UGT1A5: variants seen among roughly 807,000 people sequenced by gnomAD.
UGT1A5 encodes the protein UDP-glucuronosyltransferase 1A5.
In UGT1A5, 29 loss-of-function variants were observed where a neutral mutation model predicts 40.3. The ratio of observed to expected loss-of-function variants is 0.72; its 90% CI spans 0.54 to 0.98. The LOEUF is 0.98. UGT1A5 is among the 50% of genes least tolerant of loss of function. The pLI, the probability that UGT1A5 is intolerant of heterozygous loss-of-function variation, is 0.00. For synonymous variants in UGT1A5, 257 were observed against 262.5 expected, an observed-to-expected ratio of 0.98 and a Z score of 0.20; for missense variants, 678 against 677.9, an observed-to-expected ratio of 1.00 and a Z score of 0.00.
At chr2:233,764,278 T>C (rs1698524796) in intron 1 of UGT1A5, among the ~76,000 whole-genome samples, 1 of 152,134 alleles carries the variant, frequency 6.6e-6, no homozygotes, top group Admixed American at 6.5e-5. Flanking sequence ...CTTTGGTCAT[T>C]CCGGTAACTG....
chr2:233,729,942 CA>C, intron 1 of UGT1A5: 1 of 1,614,068 alleles, frequency 6.2e-7, no homozygotes, highest in Non-Finnish European at 8.5e-7. Context: ...TCATGCCCAA[CA>C]TGGTCTTCAT....
chr2:233,729,632 C>T, intron 1 of UGT1A5: 1 of 1,613,894 alleles, frequency 6.2e-7, no homozygotes, highest in Non-Finnish European at 8.5e-7. Flanking sequence ...TCGATTCCTA[C>T]TGTGTTTTTT....
At chr2:233,771,972 A>G (rs1700426237) in intron 4 of UGT1A5, among the ~76,000 whole-genome samples, 1 of 152,212 alleles carries the variant, frequency 6.6e-6, no homozygotes, top group African/African-American at 2.4e-5. Flanking sequence ...AAAATTGGCC[A>G]GACATAGTGG....
chr2:233,743,632 GT>G, intron 1 of UGT1A5: 1 of 1,367,332 alleles, frequency 7.3e-7, no homozygotes, highest in Non-Finnish European at 9.8e-7. Flanking sequence ...CGTCGGCTGG[GT>G]CGCGGAAGCT....
At chr2:233,731,204 C>T (rs755932690) in intron 1 of UGT1A5, among the ~76,000 whole-genome samples, 4 of 151,184 alleles carry the variant, frequency 2.6e-5, no homozygotes, top group Admixed American at 6.6e-5. Context: ...TTATAAAATA[C>T]GTGTTTATTT....
intron 1 of UGT1A5, among the ~76,000 whole-genome samples, chr2:233,759,387 C>A (rs1697125901): frequency 6.6e-6 from 1 of 152,128 alleles, no homozygotes. Context: ...TCAGGATACT[C>A]AGAGTAACCG....
chr2:233,720,322 A>G (rs1355455978), intron 1 of UGT1A5, among the ~76,000 whole-genome samples: 2 of 152,124 alleles, frequency 1.3e-5, no homozygotes, highest in African/African-American at 4.8e-5. Context: ...ATGTGGGGAC[A>G]TCGTAGAGTT....
At chr2:233,759,897 C>T (rs1697281775) in intron 1 of UGT1A5, among the ~76,000 whole-genome samples, 1 of 152,134 alleles carries the variant, frequency 6.6e-6, no homozygotes, top group Non-Finnish European at 1.5e-5. Flanking sequence ...TTCTAAAAGG[C>T]TTTCTAAAAA....
In UGT1A5 at chr2:233,739,254, G is replaced by T. The variant is rs1485037127; in HGVS notation, c.867+25396G>T. Among the ~76,000 whole-genome samples, 4 of 152,216 alleles carry T rather than the reference G, an allele frequency of 2.6e-5. No homozygotes were observed. In the East Asian group the frequency reaches 7.7e-4, roughly 29 times the overall value. ...ACCTCTGCTAGAGAAGGGTGGTAAA[G>T]AAATGTGAGGTTGGAGCCCCCACAC... On this transcript the variant is annotated intron_variant, in intron 1 of 4. Transcript: ENST00000373414.
intron 1 of UGT1A5, among the ~76,000 whole-genome samples, chr2:233,726,317 A>G (rs1017068137): frequency 1.3e-5 from 2 of 152,230 alleles, no homozygotes; most frequent in African/African-American, 4.8e-5. Context: ...CATTGAGCTC[A>G]GGAGTTTCAG....
At chr2:233,727,138 C>A (rs1201449660) in intron 1 of UGT1A5, among the ~76,000 whole-genome samples, 2 of 152,162 alleles carry the variant, frequency 1.3e-5, no homozygotes, top group Non-Finnish European at 2.9e-5. Context: ...GGGAACAAGA[C>A]CACACAGGTC....
chr2:233,769,493 G>C lies in UGT1A5; in HGVS notation c.1307+1054G>C, dbSNP rs1230643911. 1 of 1,612,700 alleles carries C rather than the reference G, an allele frequency of 6.2e-7. No homozygotes were observed. Among genetic ancestry groups the C allele is most frequent in the Admixed American group, 1.7e-5 (1 of 60,004 alleles). On this transcript the variant is annotated intron_variant, in intron 4 of 4. Coordinates refer to ENST00000373414, the MANE Select transcript of UGT1A5 (RefSeq NM_019078.2). This position sits in a 1 kb window ranked among gnomAD's most constrained non-coding sequence, Gnocchi z 4.4. ...TGTGTGTGTGTGCGTGTGTTTATGA[G>C]AGTGTCCATTGCTTTCTCCCATGGT... is the stretch of plus-strand genomic sequence containing the variant.
chr2:233,713,091 G>C lies in UGT1A5; in HGVS notation c.100G>C (p.Val34Leu), dbSNP rs200372008. Reference protein sequence around the residue: ...PWAESGKVLVVPTDGSHWLSM... With the variant: ...PWAESGKVLVLPTDGSHWLSM... ...GGCTGAGAGTGGGAAGGTGCTGGTGGTGCCCACTGATGGCAGCCACTGGCT... is the reference window on the plus strand; with the variant it reads ...GGCTGAGAGTGGGAAGGTGCTGGTGCTGCCCACTGATGGCAGCCACTGGCT... Residue 34 changes from valine (V) to leucine (L), a missense_variant, in exon 1 of 5, where the codon GTG becomes CTG. Transcript: ENST00000373414. The C allele has an allele frequency of 3.7e-6, 6 of 1,614,180 alleles. No individual in the cohort carries two copies. The Admixed American group carries it at 1.0e-4, about 27-fold the overall frequency.
rs1334751612 is a variant in UGT1A5, at chr2:233,749,282, GTAGT to G, written c.868-17749_868-17746del. Among the ~76,000 whole-genome samples the G allele has an allele frequency of 7.2e-5, 11 of 151,846 alleles. 1 individual carries two copies. Among genetic ancestry groups the G allele is most frequent in the African/African-American group, 1.7e-4 (7 of 41,140 alleles). On this transcript the variant is annotated intron_variant, in intron 1 of 4. Coordinates refer to ENST00000373414, the MANE Select transcript of UGT1A5 (RefSeq NM_019078.2). ...TTGGTGATTTTCTCCCTTATGCAGT[GTAGT>G]TATTCAATTATAAAATATGTGTTTA...
chr2:233,747,244 T>C lies in UGT1A5; in HGVS notation c.868-19790T>C, dbSNP rs911449982. The stretch of plus-strand genomic sequence containing the variant: ...CACAGGACCCCAGGTTCCCCTGCTG[T>C]GGCTGGCCACAGGAGTGCTACTCCT... On this transcript the variant is annotated intron_variant, in intron 1 of 4. Coordinates refer to ENST00000373414, the MANE Select transcript of UGT1A5 (RefSeq NM_019078.2). 6 of 1,602,806 alleles carry C rather than the reference T, an allele frequency of 3.7e-6. No homozygotes were observed. The African/African-American group carries it at 5.4e-5, about 14-fold the overall frequency.
At chr2:233,717,135 C>T (rs1269027331) in intron 1 of UGT1A5, among the ~76,000 whole-genome samples, 2 of 152,326 alleles carry the variant, frequency 1.3e-5, no homozygotes, top group Middle Eastern at 3.4e-3. Flanking sequence ...TAGAACACCA[C>T]TACATGGAAA....
In UGT1A5 at chr2:233,729,557, C is replaced by T. The variant is rs13406898; in HGVS notation, c.867+15699C>T. On this transcript the variant is annotated intron_variant, in intron 1 of 4. Transcript: ENST00000373414. ...GCCCTGATCAGGCACCTGAATGCTA[C>T]TTCCTTTGATGTGGTTTTAACAGAC... is the stretch of plus-strand genomic sequence containing the variant. The T allele has an allele frequency of 1.3e-3, 2,173 of 1,614,146 alleles. 29 individuals carry two copies. The African/African-American group carries it at 0.026, about 19-fold the overall frequency.
intron 1 of UGT1A5, among the ~76,000 whole-genome samples, chr2:233,714,659 C>A (rs2076403929): frequency 6.6e-6 from 1 of 152,156 alleles, no homozygotes; most frequent in Admixed American, 6.5e-5. Flanking sequence ...TTTTATTTAA[C>A]CAGATGTATC....
intron 1 of UGT1A5, chr2:233,743,865 C>T (rs988813505): frequency 2.0e-5 from 27 of 1,367,074 alleles, no homozygotes; most frequent in Non-Finnish European, 2.5e-5. Flanking sequence ...TTCTTGATGG[C>T]CTCGGATGAG....
Sources: gnomAD v4.1 joint callset for allele counts (sites outside exome capture counted in the v4.1 genomes callset) on GRCh38, gnomAD v4.1.1 for gene constraint, Gnocchi (gnomAD v3.1) non-coding constraint, MANE v1.5 for transcripts, NCBI Gene and HGNC (gene_info 2026-07-23, HGNC 2026-07-21) for gene names.